Variants in SLC8B1 observed in about 807,000 individuals in gnomAD.
SLC8B1 encodes solute carrier family 8 member B1, also known as mitochondrial sodium/calcium exchanger protein.
A neutral mutation model predicts 63.4 loss-of-function variants in SLC8B1; 52 were observed. The observed-to-expected ratio is 0.82, with a 90% CI of 0.66 to 1.03. The LOEUF (loss-of-function observed/expected upper bound fraction) is 1.03. Among genes scored for constraint, SLC8B1 ranks in the 50% least tolerant of loss-of-function variants. SLC8B1 has a pLI of 0.00. For missense variants in SLC8B1, 657 were observed against 741.7 expected (o/e 0.89, Z 1.33); for synonymous variants, 336 against 323.9 (o/e 1.04, Z -0.40).
In SLC8B1 at chr12:113,334,712, C is replaced by G. The variant is rs1220425567; in HGVS notation, c.-352G>C. 7 of 152,250 alleles carry G rather than the reference C, an allele frequency of 4.6e-5. No homozygotes were observed. The highest frequency in any genetic ancestry group is 2.6e-4 in the Admixed American group (4 of 15,288). The allele number at this position is 152,250 out of a possible 1,614,324, so 9.4% of individuals were successfully genotyped here. On this transcript the variant is annotated 5_prime_UTR_variant, in exon 1 of 16. Coordinates refer to ENST00000680972, the MANE Select transcript of SLC8B1 (RefSeq NM_001358345.2). ...TTCGCGTCCCTGATGTCCCCAACACCTGAAGATCAGCATGCGTCTCGTCTC... is the reference window on the plus strand; with the variant it reads ...TTCGCGTCCCTGATGTCCCCAACACGTGAAGATCAGCATGCGTCTCGTCTC...
rs191835827 is a variant in SLC8B1 at position 113,328,811 on chromosome 12, G to A, written c.156+3912C>T. The stretch of plus-strand genomic sequence containing the variant: ...CCATCGCCCAGGCAGGAGGGCAGTG[G>A]TATGATCTCAGCTCACTGCAACCTC... On this transcript the variant is annotated intron_variant, in intron 2 of 15. Transcript: ENST00000680972. 1.1e-3 allele frequency among the ~76,000 whole-genome samples: 167 copies of A among 151,050 alleles called. 3 individuals are homozygous for A. Among genetic ancestry groups the A allele is most frequent in the Non-Finnish European group, 7.1e-4 (48 of 67,818 alleles).
chr12:113,321,144 T>A (rs1956921556), intron 3 of SLC8B1, 36 bp from the exon 4 acceptor site: 2 of 1,613,898 alleles, frequency 1.2e-6, no homozygotes, highest in Non-Finnish European at 1.7e-6. Context: ...GAGAGTCAAG[T>A]CCAGCTGGAG....
At chr12:113,330,894 T>C (rs1333788064) in intron 2 of SLC8B1, among the ~76,000 whole-genome samples, 3 of 152,188 alleles carry the variant, frequency 2.0e-5, no homozygotes, top group African/African-American at 7.2e-5. Flanking sequence ...AGCAGTCCTC[T>C]GCTTTTGTTC....
rs1230306711 is a variant in SLC8B1 at position 113,305,756 on chromosome 12, A to G, written c.1492+739T>C. Among the ~76,000 whole-genome samples, 1 of 152,144 alleles carries G rather than the reference A, an allele frequency of 6.6e-6. No homozygotes were observed. Among genetic ancestry groups the G allele is most frequent in the African/African-American group, 2.4e-5 (1 of 41,428 alleles). ...TGCAAAACCGCCTGCATGGCCCCCAAAGTCTAAAATATTTATTCTTTGGGC... is the reference window on the plus strand; with the variant it reads ...TGCAAAACCGCCTGCATGGCCCCCAGAGTCTAAAATATTTATTCTTTGGGC... On this transcript the variant is annotated intron_variant, in intron 14 of 15. Transcript: ENST00000680972. This position sits in a 1 kb window ranked among gnomAD's most constrained non-coding sequence, Gnocchi z 4.3.
rs530243628 is a variant in SLC8B1 at position 113,320,707 on chromosome 12, C to T, written c.421-21G>A. 7.4e-5 allele frequency: 119 copies of T among 1,609,392 alleles called. No individual in the cohort carries two copies. In the East Asian group the frequency reaches 1.7e-3, roughly 23 times the overall value. ...ACGCCATGTGGGGAGCATGTCAAGG[C>T]GGGCCAGGATCGCAGCTGCAGCCCA... On this transcript the variant is annotated intron_variant, in intron 5 of 15. Coordinates refer to ENST00000680972, the MANE Select transcript of SLC8B1 (RefSeq NM_001358345.2). The surrounding 1 kb of genome is among the most constrained non-coding windows in gnomAD (Gnocchi z 5.3).
In SLC8B1 at chr12:113,315,338, T is replaced by TCC; in HGVS notation, c.1130_1131dup (p.Thr378GlyfsTer8). On this transcript the variant is annotated frameshift_variant, in exon 11 of 16. Transcript: ENST00000680972. LOFTEE classifies it high-confidence loss of function. Reference sequence around the variant, plus strand: ...GCCCGGGGTAGGGGATACTCACAGGTCCCCGACTGCAGGGTCAGGACCACA... The same window carrying TCC: ...GCCCGGGGTAGGGGATACTCACAGGTCCCCCCGACTGCAGGGTCAGGACCACA... 6.5e-7 allele frequency: 1 copy of TCC among 1,536,836 alleles called. No homozygotes were observed. Among genetic ancestry groups the TCC allele is most frequent in the Non-Finnish European group, 8.8e-7 (1 of 1,139,048 alleles).
chr12:113,304,614 G>A (rs926948915), intron 14 of SLC8B1, among the ~76,000 whole-genome samples: 3 of 152,006 alleles, frequency 2.0e-5, no homozygotes, highest in African/African-American at 4.8e-5. Flanking sequence ...AGTGAGACCC[G>A]TCTCAAAAAA....
intron 15 of SLC8B1, among the ~76,000 whole-genome samples, chr12:113,303,869 G>A (rs1269241146): frequency 6.6e-6 from 1 of 152,048 alleles, no homozygotes; most frequent in Non-Finnish European, 1.5e-5. Context: ...GCCCAGAGAT[G>A]TCCTAACTCC....
In SLC8B1 at chr12:113,315,953, G is replaced by A. The variant is rs183391896; in HGVS notation, c.994-477C>T. On this transcript the variant is annotated intron_variant, in intron 10 of 15. Coordinates refer to ENST00000680972, the MANE Select transcript of SLC8B1 (RefSeq NM_001358345.2). The stretch of plus-strand genomic sequence containing the variant: ...CAGATCTTTAATGATGGCTGGATGC[G>A]GTGGCTCACGCCTGTAATCCCAGCA... Among the ~76,000 whole-genome samples the A allele has an allele frequency of 2.6e-3, 391 of 152,282 alleles. 3 individuals carry two copies. The highest frequency in any genetic ancestry group is 3.0e-3 in the Non-Finnish European group (202 of 68,018).
In SLC8B1 at chr12:113,314,776, A is replaced by C. The variant is rs73428097; in HGVS notation, c.1135+559T>G. Among the ~76,000 whole-genome samples, 785 of 152,306 alleles carry C rather than the reference A, an allele frequency of 5.2e-3. 5 individuals are homozygous for C. The highest frequency in any genetic ancestry group is 0.017 in the African/African-American group (718 of 41,572). ...TTTAAGATAAAATCCCCCAATTTTT[A>C]AATGCAGGCAAACAAGCTAGAGGGC... is the stretch of plus-strand genomic sequence containing the variant. On this transcript the variant is annotated intron_variant, in intron 11 of 15. Coordinates refer to ENST00000680972, the MANE Select transcript of SLC8B1 (RefSeq NM_001358345.2).
intron 12 of SLC8B1, chr12:113,308,684 G>A (rs575315144): frequency 3.3e-5 from 5 of 152,054 alleles, no homozygotes; most frequent in African/African-American, 1.2e-4. Context: ...GGCACACGTC[G>A]GTACTTGAAA....
At position 113,303,141 on chromosome 12, in the gene SLC8B1, A is replaced by ACACACACACACACACACACG. The variant is rs773636454; in HGVS notation, c.1557+1179_1557+1180insCGTGTGTGTGTGTGTGTGTG. Among the ~76,000 whole-genome samples the ACACACACACACACACACACG allele has an allele frequency of 3.9e-3, 561 of 145,700 alleles. 3 individuals carry two copies. Among genetic ancestry groups the ACACACACACACACACACACG allele is most frequent in the African/African-American group, 0.013 (497 of 38,110 alleles). On this transcript the variant is annotated intron_variant, in intron 15 of 15. Coordinates refer to ENST00000680972, the MANE Select transcript of SLC8B1 (RefSeq NM_001358345.2). ...CACACACACACACACACACACACACACGCGCGCGCACAGGAGAAAAGAGGA... is the reference window on the plus strand; with the variant it reads ...CACACACACACACACACACACACACACACACACACACACACACACGCGCGCGCGCACAGGAGAAAAGAGGA...
chr12:113,308,135 T>A, intron 12 of SLC8B1: 1 of 257,916 alleles, frequency 3.9e-6, no homozygotes, highest in South Asian at 5.2e-5. Flanking sequence ...TCACCTGAGG[T>A]CAGGAGTTCG....
rs779210378 is a variant in SLC8B1, at chr12:113,299,729, G to A, written c.*48C>T. Reference sequence around the variant, plus strand: ...GTCCCTGGGCCTCCCCCGGCAGGAGGGGCGGGGCTCCTGCCTGCAGTGAGG... The same window carrying A: ...GTCCCTGGGCCTCCCCCGGCAGGAGAGGCGGGGCTCCTGCCTGCAGTGAGG... On this transcript the variant is annotated 3_prime_UTR_variant, in exon 16 of 16. Coordinates refer to ENST00000680972, the MANE Select transcript of SLC8B1 (RefSeq NM_001358345.2). 6 of 1,569,134 alleles carry A rather than the reference G, an allele frequency of 3.8e-6. No homozygotes were observed. The highest frequency in any genetic ancestry group is 1.1e-5 in the South Asian group (1 of 89,518).
At position 113,307,775 on chromosome 12, in the gene SLC8B1, T is replaced by C. The variant is rs1956696753; in HGVS notation, c.1327A>G (p.Ile443Val). 2 of 1,613,822 alleles carry C rather than the reference T, an allele frequency of 1.2e-6. No individual in the cohort carries two copies. The highest frequency in any genetic ancestry group is 1.7e-6 in the Non-Finnish European group (2 of 1,180,034). ...AAGACCACACCCAGGGACCGCAAGA[T>C]GTTCACCACCTCTGTGGCGGCCGCG... ...INAAATEVVN[I>V]LRSLGVVFRL... Residue 443 changes from isoleucine to valine, a missense_variant, in exon 13 of 16, where the codon ATC becomes GTC. Coordinates refer to ENST00000680972, the MANE Select transcript of SLC8B1 (RefSeq NM_001358345.2).
At position 113,307,697 on chromosome 12, in the gene SLC8B1, T is replaced by G. The variant is rs765018581; in HGVS notation, c.1405A>C (p.Ile469Leu). The G allele has an allele frequency of 1.2e-6, 2 of 1,613,612 alleles. No homozygotes were observed. The highest frequency in any genetic ancestry group is 3.3e-5 in the Admixed American group (2 of 59,986). Reference protein sequence around the residue: ...GLTLLAWGNSIGDAFSDFTLA... With the variant: ...GLTLLAWGNSLGDAFSDFTLA... ...CCACCCAGCCCTGAGTCACCTCCAA[T>G]GCTGTTCCCCCAGGCCAGCAGCGTG... Residue 469 changes from isoleucine (I) to leucine (L), a missense_variant, in exon 13 of 16, where the codon ATT becomes CTT. Coordinates refer to ENST00000680972, the MANE Select transcript of SLC8B1 (RefSeq NM_001358345.2).
intron 14 of SLC8B1, 131 bp from the exon 15 acceptor site, chr12:113,304,516 T>G: frequency 2.7e-6 from 2 of 731,998 alleles, no homozygotes; most frequent in East Asian, 2.9e-5. Flanking sequence ...CCAGGCGCAG[T>G]GGCTCATGCC....
rs1956655605 is a variant in SLC8B1 at position 113,305,255 on chromosome 12, G to C, written c.1493-870C>G. Among the ~76,000 whole-genome samples the C allele has an allele frequency of 6.6e-6, 1 of 152,256 alleles. No individual in the cohort carries two copies. Among genetic ancestry groups the C allele is most frequent in the Non-Finnish European group, 1.5e-5 (1 of 68,050 alleles). ...CGAGGCTGCAGCCCGAAAGCCAGGA[G>C]TAGGCCTCAGTGGGCGCAAAAGGGC... On this transcript the variant is annotated intron_variant, in intron 14 of 15. Coordinates refer to ENST00000680972, the MANE Select transcript of SLC8B1 (RefSeq NM_001358345.2). The surrounding 1 kb of genome is among the most constrained non-coding windows in gnomAD (Gnocchi z 4.3).
Position 113,316,671 on chromosome 12 carries a change from C to T in SLC8B1, c.863-15G>A, listed in dbSNP as rs752138278. 11 of 1,611,846 alleles carry T rather than the reference C, an allele frequency of 6.8e-6. No homozygotes were observed. The highest frequency in any genetic ancestry group is 2.7e-5 in the African/African-American group (2 of 74,864). Reference sequence around the variant, plus strand: ...GTACTCATCACCTGTGTGCAGGGGTCGGGTGGTGAGGTGTGCCTGCGGCTG... The same window carrying T: ...GTACTCATCACCTGTGTGCAGGGGTTGGGTGGTGAGGTGTGCCTGCGGCTG... On this transcript the variant is annotated splice_polypyrimidine_tract_variant and intron_variant, in intron 9 of 15. Coordinates refer to ENST00000680972, the MANE Select transcript of SLC8B1 (RefSeq NM_001358345.2).
Sources: gnomAD v4.1 joint callset for allele counts (sites outside exome capture counted in the v4.1 genomes callset) on GRCh38, gnomAD v4.1.1 for gene constraint, Gnocchi (gnomAD v3.1) non-coding constraint, MANE v1.5 for transcripts, NCBI Gene and HGNC (gene_info 2026-07-23, HGNC 2026-07-21) for gene names.